Variants in KDM7A observed in about 807,000 individuals in gnomAD.
The protein encoded by KDM7A is lysine-specific demethylase 7A.
KDM7A carries 28 observed loss-of-function variants against 114.8 expected under a neutral mutation model. The ratio of observed to expected loss-of-function variants is 0.24; its 90% CI spans 0.18 to 0.33. The LOEUF is 0.33. Among genes scored for constraint, KDM7A ranks in the 10% least tolerant of loss-of-function variants. KDM7A has a pLI of 1.00. For synonymous variants in KDM7A, 423 were observed against 397.8 expected, an observed-to-expected ratio of 1.06 and a Z score of -0.75; for missense variants, 942 against 1,142.5, an observed-to-expected ratio of 0.82 and a Z score of 2.53.
At chr7:140,095,381 G>A (rs1818089159) in intron 17 of KDM7A, among the ~76,000 whole-genome samples, 1 of 152,154 alleles carries the variant, frequency 6.6e-6, no homozygotes, top group Admixed American at 6.5e-5. Flanking sequence ...CGCAACTTTA[G>A]GCAACTTATT....
intron 1 of KDM7A, among the ~76,000 whole-genome samples, chr7:140,152,995 G>T (rs112167139): frequency 0.069 from 10,521 of 151,796 alleles, 417 homozygotes; most frequent in Non-Finnish European, 0.09. Flanking sequence ...GAGTAGCTGG[G>T]AATACAGGCA....
At chr7:140,134,044 G>A (rs961456097) in intron 2 of KDM7A, among the ~76,000 whole-genome samples, 1 of 151,942 alleles carries the variant, frequency 6.6e-6, no homozygotes, top group Non-Finnish European at 1.5e-5. Context: ...CTCAGGACAG[G>A]GCCTTTTATC....
chr7:140,091,299 T>C (rs1329682431), intron 19 of KDM7A, 111 bp from the exon 20 acceptor site: 2 of 758,154 alleles, frequency 2.6e-6, no homozygotes, highest in African/African-American at 3.5e-5. Flanking sequence ...TTAGGTGTTC[T>C]GCATGGACAG....
intron 2 of KDM7A, among the ~76,000 whole-genome samples, chr7:140,137,085 G>C (rs927286370): frequency 4.6e-5 from 7 of 152,112 alleles, no homozygotes; most frequent in South Asian, 2.1e-4. Context: ...TAGAAGGTGA[G>C]GAGTAGGGAA....
intron 1 of KDM7A, among the ~76,000 whole-genome samples, chr7:140,151,210 A>G (rs185103849): frequency 2.6e-4 from 40 of 152,326 alleles, no homozygotes; most frequent in African/African-American, 8.4e-4. Context: ...CTGAGGAACT[A>G]TTGATCTAAA....
At chr7:140,157,606 A>T (rs1794471680) in intron 1 of KDM7A, among the ~76,000 whole-genome samples, 2 of 152,152 alleles carry the variant, frequency 1.3e-5, no homozygotes, top group Non-Finnish European at 2.9e-5. Context: ...GTGAGCTGTG[A>T]TCATGCAACA....
intron 3 of KDM7A, among the ~76,000 whole-genome samples, chr7:140,130,019 CTCACTGGAGCA>C (rs1438908228): frequency 6.6e-6 from 1 of 152,118 alleles, no homozygotes; most frequent in African/African-American, 2.4e-5. Context: ...AATTGAAGAG[CTCACTGGAGCA>C]TTTCAGATTT....
At chr7:140,143,129 G>A (rs1267382644) in intron 1 of KDM7A, among the ~76,000 whole-genome samples, 1 of 147,872 alleles carries the variant, frequency 6.8e-6, no homozygotes, top group Non-Finnish European at 1.5e-5. Flanking sequence ...GCAGTGAGCC[G>A]AGATGGTGCC....
intron 1 of KDM7A, among the ~76,000 whole-genome samples, chr7:140,150,343 G>C (rs1406326083): frequency 1.3e-5 from 2 of 152,130 alleles, no homozygotes; most frequent in African/African-American, 2.4e-5. Context: ...AAGACATAAG[G>C]AATTAACACA....
intron 12 of KDM7A, among the ~76,000 whole-genome samples, chr7:140,100,697 T>C (rs1267399303): frequency 3.9e-5 from 3 of 77,430 alleles, no homozygotes; most frequent in African/African-American, 1.8e-4. Flanking sequence ...TACATATATA[T>C]ATATATATAT....
chr7:140,113,997 A>C (rs2116776467), intron 9 of KDM7A, among the ~76,000 whole-genome samples: 1 of 152,300 alleles, frequency 6.6e-6, no homozygotes, highest in Non-Finnish European at 1.5e-5. Flanking sequence ...AAAATATAGA[A>C]AGGTTTCAAA....
chr7:140,112,282 C>T (rs1327565094), intron 10 of KDM7A, among the ~76,000 whole-genome samples: 2 of 152,086 alleles, frequency 1.3e-5, no homozygotes, highest in African/African-American at 4.8e-5. Context: ...TTCTTAAGAG[C>T]AAGATTTTTA....
At position 140,087,338 on chromosome 7, in the gene KDM7A, T is replaced by C. The variant is rs1324737499; in HGVS notation, c.*3756A>G. On this transcript the variant is annotated 3_prime_UTR_variant, in exon 20 of 20. Transcript: ENST00000397560. The stretch of plus-strand genomic sequence containing the variant: ...ATCTTAACGTACTTGAGGATACACA[T>C]TCTCACTCTCTTATCCATAAACAAC... 1 of 152,218 alleles carries C rather than the reference T, an allele frequency of 6.6e-6. No homozygotes were observed. Among genetic ancestry groups the C allele is most frequent in the Non-Finnish European group, 1.5e-5 (1 of 68,034 alleles). 9.4% of individuals were successfully genotyped at this position (152,218 alleles called of 1,614,324 possible).
chr7:140,114,048 G>C (rs138830399), intron 9 of KDM7A, among the ~76,000 whole-genome samples: 301 of 152,318 alleles, frequency 2.0e-3, no homozygotes, highest in South Asian at 8.7e-3. Context: ...CAAAAGAAAG[G>C]GGGTGTAACT....
intron 9 of KDM7A, among the ~76,000 whole-genome samples, chr7:140,114,989 G>C (rs1325734916): frequency 6.7e-6 from 1 of 149,744 alleles, no homozygotes; most frequent in Non-Finnish European, 1.5e-5. Flanking sequence ...CGCCCCATCC[G>C]GGAAGTGAGG....
At position 140,092,046 on chromosome 7, in the gene KDM7A, T is replaced by A; in HGVS notation, c.2489A>T (p.Lys830Met). ...CTGACTAATTTCTGATGAACCTTCC[T>A]TTCTGATGCATTTCTGGCTTCTACT... ...DLSRSQKCIR[K>M]EGSSEISQRV... The change falls in exon 19 of 20, where the codon AAG becomes ATG. Residue 830 changes from lysine to methionine, a missense_variant. This residue lies in a region of KDM7A where 512 missense variants were observed against 576.6 expected (regional missense o/e 0.89). Coordinates refer to ENST00000397560, the MANE Select transcript of KDM7A (RefSeq NM_030647.2). 1 of 1,614,204 alleles carries A rather than the reference T, an allele frequency of 6.2e-7. No individual in the cohort carries two copies. The highest frequency in any genetic ancestry group is 1.3e-5 in the African/African-American group (1 of 75,072).
intron 17 of KDM7A, 21 bp downstream of exon 17, chr7:140,096,534 C>T: frequency 6.3e-7 from 1 of 1,583,008 alleles, no homozygotes. Flanking sequence ...TTTTTAGAGA[C>T]TGATAATTTA....
rs555561096 is a variant in KDM7A at position 140,144,737 on chromosome 7, A to C, written c.195-5547T>G. On this transcript the variant is annotated intron_variant, in intron 1 of 19. Transcript: ENST00000397560. ...CACACACACACACACACACACACAC[A>C]CCCTCATGCTGAAACGTAATCCACA... Among the ~76,000 whole-genome samples the C allele has an allele frequency of 1.8e-3, 276 of 150,992 alleles. 3 individuals carry two copies. The East Asian group carries it at 0.028, about 15-fold the overall frequency.
chr7:140,144,783 T>C (rs1794322765), intron 1 of KDM7A, among the ~76,000 whole-genome samples: 1 of 151,846 alleles, frequency 6.6e-6, no homozygotes, highest in Non-Finnish European at 1.5e-5. Flanking sequence ...TGGAGCCCGG[T>C]GTGAATTGTT....
Sources: gnomAD v4.1 joint callset for allele counts (sites outside exome capture counted in the v4.1 genomes callset) on GRCh38, gnomAD v4.1.1 for gene constraint, gnomAD v4.1.1 regional missense constraint, MANE v1.5 for transcripts, NCBI Gene and HGNC (gene_info 2026-07-23, HGNC 2026-07-21) for gene names.